The following NDUFS4 variants were observed in gnomAD, a reference collection of about 807,000 sequenced individuals.
NDUFS4 encodes NADH:ubiquinone oxidoreductase subunit S4, also known as NADH dehydrogenase [ubiquinone] iron-sulfur protein 4, mitochondrial.
A neutral mutation model predicts 24.3 loss-of-function variants in NDUFS4; 28 were observed. The ratio of observed to expected loss-of-function variants is 1.15; its 90% confidence interval spans 0.85 to 1.58. NDUFS4 has a LOEUF of 1.58. Ranked by LOEUF, NDUFS4 falls within the 40% of genes most tolerant of loss-of-function variation. The pLI is 0.00. For missense variants in NDUFS4, 223 were observed against 207.9 expected (o/e 1.07, Z -0.45); for synonymous variants, 93 against 69.7 (o/e 1.34, Z -1.67).
intron 4 of NDUFS4, among the ~76,000 whole-genome samples, chr5:53,679,196 G>T (rs891578792): frequency 3.9e-5 from 6 of 152,122 alleles, no homozygotes; most frequent in African/African-American, 1.4e-4. Context: ...ACAGTTGCAT[G>T]TGCAACTTTG....
intron 2 of NDUFS4, among the ~76,000 whole-genome samples, chr5:53,638,862 C>T (rs1363216127): frequency 6.6e-6 from 1 of 152,058 alleles, no homozygotes; most frequent in Admixed American, 6.6e-5. Context: ...CATCAGTGTA[C>T]TATTAATACT....
At chr5:53,635,222 A>G (rs1579902770) in intron 2 of NDUFS4, among the ~76,000 whole-genome samples, 1 of 151,486 alleles carries the variant, frequency 6.6e-6, no homozygotes, top group South Asian at 2.1e-4. Context: ...TAACCAACCA[A>G]CCAACCAAAA....
rs1247339021 is a variant in NDUFS4, at chr5:53,619,350, TGTG to T, written c.177+15825_177+15827del. On this transcript the variant is annotated intron_variant, in intron 2 of 4. Transcript: ENST00000296684. ...TTAGCCGGGTGTGGTGGCGGGTGCT[TGTG>T]GTGGCGGGTGCTTGTAGTCCCAGCT... Among the ~76,000 whole-genome samples, 3 of 146,920 alleles carry T rather than the reference TGTG, an allele frequency of 2.0e-5. No individual in the cohort carries two copies. In the East Asian group the frequency reaches 6.0e-4, roughly 30 times the overall value.
At chr5:53,617,807 G>GT (rs1750892835) in intron 2 of NDUFS4, among the ~76,000 whole-genome samples, 1 of 152,112 alleles carries the variant, frequency 6.6e-6, no homozygotes, top group African/African-American at 2.4e-5. Context: ...TGAGATACAT[G>GT]GGATAATGGC....
At position 53,682,884 on chromosome 5, in the gene NDUFS4, T is replaced by G. The variant is rs576951842; in HGVS notation, c.425-234T>G. Among the ~76,000 whole-genome samples, 13 of 152,246 alleles carry G rather than the reference T, an allele frequency of 8.5e-5. No homozygotes were observed. In the East Asian group the frequency reaches 2.1e-3, roughly 25 times the overall value. On this transcript the variant is annotated intron_variant, in intron 4 of 4. Coordinates refer to ENST00000296684, the MANE Select transcript of NDUFS4 (RefSeq NM_002495.4). ...GTGAAATTGAATCATAGTTTACATC[T>G]TTAACAACTTGAGATATGGTAAATA...
At chr5:53,581,155 A>G (rs542566952) in intron 1 of NDUFS4, among the ~76,000 whole-genome samples, 1 of 151,978 alleles carries the variant, frequency 6.6e-6, no homozygotes, top group Non-Finnish European at 1.5e-5. Flanking sequence ...CTTTTTAGTA[A>G]TTGTCACCAA....
In NDUFS4 at chr5:53,654,541, C is replaced by T. The variant is rs150951299; in HGVS notation, c.351-4010C>T. On this transcript the variant is annotated intron_variant, in intron 3 of 4. Coordinates refer to ENST00000296684, the MANE Select transcript of NDUFS4 (RefSeq NM_002495.4). Reference sequence around the variant, plus strand: ...TTTAATATTACATATTTTTTCTCTACGGTCTTCATTATGTATATCTCCTAT... The same window carrying T: ...TTTAATATTACATATTTTTTCTCTATGGTCTTCATTATGTATATCTCCTAT... Among the ~76,000 whole-genome samples, 1,021 of 152,022 alleles carry T rather than the reference C, an allele frequency of 6.7e-3. 8 individuals carry two copies. Among genetic ancestry groups the T allele is most frequent in the African/African-American group, 0.016 (679 of 41,476 alleles).
intron 1 of NDUFS4, among the ~76,000 whole-genome samples, chr5:53,593,229 C>T (rs924385976): frequency 4.6e-5 from 7 of 151,966 alleles, no homozygotes; most frequent in East Asian, 1.9e-4. Flanking sequence ...AGGCCTGTCC[C>T]GATTATTGCT....
intron 2 of NDUFS4, among the ~76,000 whole-genome samples, chr5:53,624,972 T>C (rs1020529813): frequency 6.6e-6 from 1 of 152,088 alleles, no homozygotes; most frequent in African/African-American, 2.4e-5. Context: ...GTTTGTTTGT[T>C]TTTGTTTTTT....
At chr5:53,649,341 T>C (rs1751954018) in intron 3 of NDUFS4, among the ~76,000 whole-genome samples, 1 of 152,184 alleles carries the variant, frequency 6.6e-6, no homozygotes, top group African/African-American at 2.4e-5. Flanking sequence ...AGGCAGTTTT[T>C]CAACTCTTGC....
In NDUFS4 at chr5:53,644,925, T is replaced by A. The variant is rs115273626; in HGVS notation, c.178-1308T>A. Reference sequence around the variant, plus strand: ...CTTGTGGATAGAGATAATAGTCAAGTCAGAAATGTGTTTCGTGTTTTTCCC... The same window carrying A: ...CTTGTGGATAGAGATAATAGTCAAGACAGAAATGTGTTTCGTGTTTTTCCC... On this transcript the variant is annotated intron_variant, in intron 2 of 4. Coordinates refer to ENST00000296684, the MANE Select transcript of NDUFS4 (RefSeq NM_002495.4). Among the ~76,000 whole-genome samples, 776 of 152,198 alleles carry A rather than the reference T, an allele frequency of 5.1e-3. 9 individuals carry two copies. Among genetic ancestry groups the A allele is most frequent in the African/African-American group, 0.017 (724 of 41,548 alleles).
At chr5:53,624,970 GTTTT>G (rs1172721755) in intron 2 of NDUFS4, among the ~76,000 whole-genome samples, 2 of 152,058 alleles carry the variant, frequency 1.3e-5, no homozygotes, top group Admixed American at 6.6e-5. Context: ...TTGTTTGTTT[GTTTT>G]TGTTTTTTGA....
intron 1 of NDUFS4, among the ~76,000 whole-genome samples, chr5:53,602,958 G>C (rs1366942638): frequency 6.6e-6 from 1 of 152,126 alleles, no homozygotes. Flanking sequence ...TGGGCTACAG[G>C]ACTAAACTAA....
intron 4 of NDUFS4, among the ~76,000 whole-genome samples, chr5:53,681,493 C>T (rs1046057346): frequency 3.9e-5 from 6 of 152,022 alleles, no homozygotes; most frequent in Non-Finnish European, 7.4e-5. Flanking sequence ...TTTTCTTATG[C>T]CCTTTAGTAA....
intron 1 of NDUFS4, among the ~76,000 whole-genome samples, chr5:53,590,987 T>C (rs893949476): frequency 1.3e-5 from 2 of 152,204 alleles, no homozygotes; most frequent in African/African-American, 4.8e-5. Context: ...TCTGTTTCTG[T>C]GAGTTTGACT....
At chr5:53,622,136 A>C (rs908551556) in intron 2 of NDUFS4, among the ~76,000 whole-genome samples, 11 of 152,106 alleles carry the variant, frequency 7.2e-5, no homozygotes, top group African/African-American at 2.7e-4. Flanking sequence ...TAAAGTTTCC[A>C]TCTGGTATCC....
chr5:53,676,848 T>C (rs766897990), intron 4 of NDUFS4, among the ~76,000 whole-genome samples: 7 of 152,136 alleles, frequency 4.6e-5, no homozygotes, highest in Non-Finnish European at 8.8e-5. Flanking sequence ...ATGAAAGATT[T>C]TTTTTTTCAT....
chr5:53,683,169 C>G lies in NDUFS4; in HGVS notation c.476C>G (p.Ser159Cys), dbSNP rs1325994484. 5.6e-6 allele frequency: 9 copies of G among 1,612,622 alleles called. No homozygotes were observed. In the East Asian group the frequency reaches 2.0e-4, roughly 36 times the overall value. ...ERKVPKPKSK[S>C]YGANFSWNKR... ...AAGGTTCCAAAACCCAAGTCCAAGT[C>G]TTATGGTGCAAACTTTTCTTGGAAC... Residue 159 changes from serine (S) to cysteine (C), a missense_variant, in exon 5 of 5, where the codon TCT becomes TGT. Physicochemically the swap from Ser to Cys is moderately radical, Grantham distance 112. Transcript: ENST00000296684.
chr5:53,603,309 T>C (rs1750386463), intron 1 of NDUFS4, 143 bp from the exon 2 acceptor site: 2 of 667,470 alleles, frequency 3.0e-6, no homozygotes, highest in South Asian at 1.8e-5. Context: ...AAAGGACTTT[T>C]GTGCCCTCTT....
Sources: allele counts gnomAD v4.1 joint callset (sites outside exome capture counted in the v4.1 genomes callset), GRCh38; gene constraint gnomAD v4.1.1; transcripts MANE v1.5; gene names NCBI Gene and HGNC (gene_info 2026-07-23, HGNC 2026-07-21).